The following CDK14 variants were observed in gnomAD, a reference collection of about 807,000 sequenced individuals.
CDK14 encodes cyclin dependent kinase 14, also known as cyclin-dependent kinase 14.
In CDK14, 34 loss-of-function variants were observed where a neutral mutation model predicts 60.7. The ratio of observed to expected loss-of-function variants is 0.56; its 90% confidence interval spans 0.43 to 0.75. The LOEUF (loss-of-function observed/expected upper bound fraction) is 0.75. CDK14 is among the 30% of genes least tolerant of loss of function. The pLI is 0.00. For synonymous variants in CDK14, 197 were observed against 203.7 expected (o/e 0.97, Z 0.28); for missense variants, 482 against 564.1 (o/e 0.85, Z 1.47).
chr7:90,875,146 A>G (rs1206402307), intron 6 of CDK14, among the ~76,000 whole-genome samples: 1 of 152,178 alleles, frequency 6.6e-6, no homozygotes, highest in Non-Finnish European at 1.5e-5. Flanking sequence ...TTGACTTAGC[A>G]TAATGTTTTT....
chr7:90,790,831 A>G (rs912632731), intron 5 of CDK14, among the ~76,000 whole-genome samples, 179 bp downstream of exon 5: 1 of 152,258 alleles, frequency 6.6e-6, no homozygotes, highest in Non-Finnish European at 1.5e-5. Flanking sequence ...ATCATGTTAA[A>G]TGAAACAAGA....
At chr7:90,898,774 T>G (rs559317450) in intron 6 of CDK14, among the ~76,000 whole-genome samples, 1 of 152,118 alleles carries the variant, frequency 6.6e-6, no homozygotes, top group East Asian at 1.9e-4. Flanking sequence ...ATGAAGCATA[T>G]TTGCTCAAAT....
intron 1 of CDK14, among the ~76,000 whole-genome samples, chr7:90,603,280 G>T (rs1396919969): frequency 6.6e-6 from 1 of 152,086 alleles, no homozygotes; most frequent in Admixed American, 6.5e-5. Context: ...TCTATGTTGG[G>T]TGAAAAAATT....
rs150118623 is a variant in CDK14, at chr7:90,603,821, A to G, written c.92-397A>G. On this transcript the variant is annotated intron_variant, in intron 1 of 14. Transcript: ENST00000380050. ...AAATGTCATTCAGGGCTCTGTGCAA[A>G]GAAGGTGTCATCCTAACAATTGGTG... Among the ~76,000 whole-genome samples, 1,063 of 152,304 alleles carry G rather than the reference A, an allele frequency of 7.0e-3. 8 individuals are homozygous for G. Among genetic ancestry groups the G allele is most frequent in the Middle Eastern group, 0.014 (4 of 294 alleles).
rs79043454 is a variant in CDK14 at position 90,912,001 on chromosome 7, T to A, written c.703-5600T>A. 1.1e-4 allele frequency among the ~76,000 whole-genome samples: 17 copies of A among 152,276 alleles called. No homozygotes were observed. In the East Asian group the frequency reaches 3.3e-3, roughly 29 times the overall value. On this transcript the variant is annotated intron_variant, in intron 7 of 14. Coordinates refer to ENST00000380050, the MANE Select transcript of CDK14 (RefSeq NM_001287135.2). Reference sequence around the variant, plus strand: ...GATAGCTCTGCTGCTGGCAAAAATGTCCCTGTTCATCGTTTCATTACTATT... The same window carrying A: ...GATAGCTCTGCTGCTGGCAAAAATGACCCTGTTCATCGTTTCATTACTATT...
At chr7:90,630,628 G>T (rs1466319351) in intron 2 of CDK14, among the ~76,000 whole-genome samples, 3 of 152,100 alleles carry the variant, frequency 2.0e-5, no homozygotes, top group Non-Finnish European at 4.4e-5. Context: ...AGTGATGTTT[G>T]TGGTATTTGA....
At chr7:90,741,015 C>G (rs1226589712) in intron 3 of CDK14, among the ~76,000 whole-genome samples, 1 of 152,054 alleles carries the variant, frequency 6.6e-6, no homozygotes, top group African/African-American at 2.4e-5. Flanking sequence ...GGCAAGAATT[C>G]TATTTTTGGT....
chr7:90,768,473 T>C (rs555306978), intron 4 of CDK14, among the ~76,000 whole-genome samples: 173 of 152,328 alleles, frequency 1.1e-3, no homozygotes, highest in African/African-American at 4.1e-3. Context: ...GGATGAATGA[T>C]GGCCCTGTGT....
At chr7:90,704,605 G>C (rs776003514) in intron 2 of CDK14, among the ~76,000 whole-genome samples, 1 of 152,038 alleles carries the variant, frequency 6.6e-6, no homozygotes, top group Non-Finnish European at 1.5e-5. Context: ...AGATTTATTG[G>C]GTTGTGATAG....
intron 9 of CDK14, among the ~76,000 whole-genome samples, chr7:90,981,624 A>G (rs1305123914): frequency 6.6e-6 from 1 of 152,202 alleles, no homozygotes; most frequent in Non-Finnish European, 1.5e-5. Context: ...CCCTAGGTTT[A>G]TGAAGTAAAT....
chr7:90,881,360 C>T (rs954432757), intron 6 of CDK14, among the ~76,000 whole-genome samples: 2 of 151,936 alleles, frequency 1.3e-5, no homozygotes, highest in Admixed American at 6.6e-5. Context: ...GTTTGAAGAC[C>T]ACTTTACTGA....
At chr7:90,820,560 A>C (rs1246973044) in intron 5 of CDK14, among the ~76,000 whole-genome samples, 1 of 152,138 alleles carries the variant, frequency 6.6e-6, no homozygotes, top group Non-Finnish European at 1.5e-5. Flanking sequence ...TTCCGCCATG[A>C]CTGTAAGTTT....
chr7:90,748,002 C>T (rs937488368), intron 4 of CDK14, among the ~76,000 whole-genome samples: 14 of 145,680 alleles, frequency 9.6e-5, no homozygotes, highest in Admixed American at 3.5e-4. Flanking sequence ...CTGTTTAATG[C>T]GCCTCCCCAC....
rs559931841 is a variant in CDK14, at chr7:91,140,390, CTT to C, written c.*28+22185_*28+22186del. The stretch of plus-strand genomic sequence containing the variant: ...TGGAGCCAGAACCTTATGTCGAACT[CTT>C]TTGTTTAATCCTGAGTTCTGTTGTG... On this transcript the variant is annotated intron_variant, in intron 14 of 14. Coordinates refer to ENST00000380050, the MANE Select transcript of CDK14 (RefSeq NM_001287135.2). Among the ~76,000 whole-genome samples, 11 of 152,310 alleles carry C rather than the reference CTT, an allele frequency of 7.2e-5. No individual in the cohort carries two copies. The East Asian group carries it at 2.1e-3, about 29-fold the overall frequency.
intron 2 of CDK14, among the ~76,000 whole-genome samples, chr7:90,705,746 A>G (rs1191020527): frequency 6.6e-6 from 1 of 151,344 alleles, no homozygotes; most frequent in South Asian, 2.1e-4. Context: ...ATATAGGGCC[A>G]TAATAAGTCG....
Position 91,189,686 on chromosome 7 carries a change from G to A in CDK14, c.*29-17479G>A, listed in dbSNP as rs567672579. Among the ~76,000 whole-genome samples, 3 of 152,180 alleles carry A rather than the reference G, an allele frequency of 2.0e-5. No individual in the cohort carries two copies. The South Asian group carries it at 6.2e-4, about 32-fold the overall frequency. The stretch of plus-strand genomic sequence containing the variant: ...AAAGTAGAATGCTGTAAAGAGTGTC[G>A]ATGTATCCAGTACTACTATTGATTT... On this transcript the variant is annotated intron_variant, in intron 14 of 14. Coordinates refer to ENST00000380050, the MANE Select transcript of CDK14 (RefSeq NM_001287135.2).
intron 8 of CDK14, among the ~76,000 whole-genome samples, chr7:90,936,533 T>C (rs1256840925): frequency 6.6e-6 from 1 of 152,210 alleles, no homozygotes; most frequent in Non-Finnish European, 1.5e-5. Context: ...TCTTTTTTCC[T>C]TTGAACTCAC....
At chr7:90,705,804 C>T (rs920857423) in intron 2 of CDK14, among the ~76,000 whole-genome samples, 2 of 151,660 alleles carry the variant, frequency 1.3e-5, no homozygotes, top group African/African-American at 4.8e-5. Flanking sequence ...AGCAGAAGAA[C>T]ACTTAGATGT....
intron 2 of CDK14, among the ~76,000 whole-genome samples, chr7:90,670,261 A>C (rs1801068481): frequency 1.3e-5 from 2 of 152,138 alleles, no homozygotes; most frequent in African/African-American, 4.8e-5. Context: ...CTTTAAGTTG[A>C]CTTAACTCTG....
Sources: allele counts gnomAD v4.1 joint callset (sites outside exome capture counted in the v4.1 genomes callset), GRCh38; gene constraint gnomAD v4.1.1; transcripts MANE v1.5; gene names NCBI Gene and HGNC (gene_info 2026-07-23, HGNC 2026-07-21).